PLA2G4B: variants seen among roughly 807,000 people sequenced by gnomAD.
PLA2G4B encodes the protein cytosolic phospholipase A2 beta.
A neutral mutation model predicts 95.8 loss-of-function variants in PLA2G4B; 122 were observed. That is an observed-to-expected ratio of 1.27 (90% CI 1.10 to 1.48). PLA2G4B has a LOEUF of 1.48. Ranked by LOEUF, PLA2G4B falls within the 40% of genes most tolerant of loss-of-function variation. The pLI is 0.00. For missense variants in PLA2G4B, 1,158 were observed against 996.2 expected (o/e 1.16, Z -2.19); for synonymous variants, 518 against 421.5 (o/e 1.23, Z -2.80).
intron 11 of PLA2G4B, 27 bp from the exon 12 acceptor site, chr15:41,844,444 T>C: frequency 6.2e-7 from 1 of 1,614,058 alleles, no homozygotes; most frequent in East Asian, 2.2e-5. Context: ...CTAGGGCCTC[T>C]ACAGGCCTGG....
chr15:41,843,790 C>T lies in PLA2G4B; in HGVS notation c.858C>T (p.Asp286=), dbSNP rs1672466. 1,285,183 of 1,613,844 alleles carry T rather than the reference C, an allele frequency of 0.8. 514,290 individuals are homozygous for T. The highest frequency in any genetic ancestry group is 0.88 in the East Asian group (39,511 of 44,854). ...AAALRQALQL[D]GDLQEDEIPV... ...CCTTGAGGCAGGCCCTGCAGCTGGA[C>T]GGAGACCTGCAGGAGGATGAGGTTT... The change falls in exon 11 of 20, where the codon GAC becomes GAT. Residue 286 remains aspartate, a synonymous_variant. Transcript: ENST00000458483.
chr15:41,844,380 G>C (rs945649615), intron 11 of PLA2G4B, 91 bp from the exon 12 acceptor site: 88 of 1,594,538 alleles, frequency 5.5e-5, no homozygotes, highest in Non-Finnish European at 7.3e-5. Flanking sequence ...GCTGTGGGCT[G>C]GGTGGCCACT....
intron 11 of PLA2G4B, 89 bp downstream of exon 11, chr15:41,843,900 A>C: frequency 6.5e-7 from 1 of 1,528,702 alleles, no homozygotes; most frequent in African/African-American, 1.4e-5. Context: ...TCCCCGATCT[A>C]GACCAGAGCT....
chr15:41,847,357 G>A lies in PLA2G4B; in HGVS notation c.1968G>A (p.Arg656=). 1 of 1,607,120 alleles carries A rather than the reference G, an allele frequency of 6.2e-7. No homozygotes were observed. The part of the protein sequence containing the change: ...GAFQQLQLLG[R]FCQEQGIPFP... ...TGCAGCAGTTGCAGCTCCTGGGCCG[G>A]TTCTGCCAGGAGCAGGGGATCCCGT... The change falls in exon 19 of 20, where the codon CGG becomes CGA. Residue 656 remains arginine (R), a synonymous_variant. Coordinates refer to ENST00000458483, the MANE Select transcript of PLA2G4B (RefSeq NM_001114633.2).
rs370039528 is a variant in PLA2G4B at position 41,840,900 on chromosome 15, C to T, written c.346C>T (p.Pro116Ser). 6.2e-7 allele frequency: 1 copy of T among 1,612,640 alleles called. No individual in the cohort carries two copies. ...CCGGCGCGAGAGCTTCTCACTGAGCCCTCAGGCAAGGCGGTGTTTCCACGG... is the reference window on the plus strand; with the variant it reads ...CCGGCGCGAGAGCTTCTCACTGAGCTCTCAGGCAAGGCGGTGTTTCCACGG... ...EFRRESFSLS[P>S]QGEGRLEVEF... The change falls in exon 4 of 20, where the codon CCT becomes TCT. Residue 116 changes from proline (P) to serine (S), a missense_variant. Coordinates refer to ENST00000458483, the MANE Select transcript of PLA2G4B (RefSeq NM_001114633.2).
intron 6 of PLA2G4B, 111 bp downstream of exon 6, chr15:41,841,384 A>G (rs922959918): frequency 1.2e-6 from 2 of 1,608,558 alleles, no homozygotes; most frequent in Non-Finnish European, 1.7e-6. Context: ...CTGGGATTTC[A>G]GTTTGTTAAG....
Position 41,847,405 on chromosome 15 carries a change from C to G in PLA2G4B, c.2016C>G (p.Pro672=), listed in dbSNP as rs745941020. ...GIPFPPISPS[P]EEQLQPRECH... The stretch of plus-strand genomic sequence containing the variant: ...CGTTCCCACCCATCTCGCCCAGCCC[C>G]GAAGAGCAGCTCCAGCCTCGGGAGT... The change falls in exon 19 of 20, where the codon CCC becomes CCG. Residue 672 remains proline, a synonymous_variant. Transcript: ENST00000458483. The G allele has an allele frequency of 1.9e-6, 3 of 1,613,068 alleles. No homozygotes were observed. The highest frequency in any genetic ancestry group is 2.5e-6 in the Non-Finnish European group (3 of 1,179,886).
chr15:41,841,671 G>T, intron 7 of PLA2G4B, 100 bp downstream of exon 7: 13 of 1,577,976 alleles, frequency 8.2e-6, no homozygotes, highest in Non-Finnish European at 1.1e-5. Context: ...TTTCCCCTTA[G>T]GCCTTCTCGG....
rs1350729205 is a variant in PLA2G4B, at chr15:41,848,052, T to TAATC, written c.*194_*197dup. 6 of 732,908 alleles carry TAATC rather than the reference T, an allele frequency of 8.2e-6. No individual in the cohort carries two copies. The highest frequency in any genetic ancestry group is 2.9e-5 in the Admixed American group (1 of 34,218). 45.4% of individuals were successfully genotyped at this position (732,908 alleles called of 1,614,324 possible). On this transcript the variant is annotated 3_prime_UTR_variant, in exon 20 of 20. Transcript: ENST00000458483. The stretch of plus-strand genomic sequence containing the variant: ...GGTAAGGAGGCCAAGCCCATTTGTG[T>TAATC]AATCACCCAAAACCCCCCGGCCTGT...
Position 41,848,058 on chromosome 15 carries a change from C to T in PLA2G4B, c.*198C>T, listed in dbSNP as rs1384545853. 2.9e-6 allele frequency: 2 copies of T among 680,630 alleles called. No homozygotes were observed. Among genetic ancestry groups the T allele is most frequent in the Non-Finnish European group, 4.9e-6 (2 of 410,976 alleles). 42.2% of individuals were successfully genotyped at this position (680,630 alleles called of 1,614,324 possible). On this transcript the variant is annotated 3_prime_UTR_variant, in exon 20 of 20. Transcript: ENST00000458483. ...GAGGCCAAGCCCATTTGTGTAATCACCCAAAACCCCCCGGCCTGTGCCTGT... is the reference window on the plus strand; with the variant it reads ...GAGGCCAAGCCCATTTGTGTAATCATCCAAAACCCCCCGGCCTGTGCCTGT...
rs369953324 is a variant in PLA2G4B, at chr15:41,841,520, C to T, written c.439C>T (p.Arg147Trp). 139 of 1,613,996 alleles carry T rather than the reference C, an allele frequency of 8.6e-5. No homozygotes were observed. The highest frequency in any genetic ancestry group is 3.7e-4 in the African/African-American group (28 of 74,984). ...WLVSNGVLVA[R>W]ELSCLHVQLE... Reference sequence around the variant, plus strand: ...AGGGGCTGTCTTCATGACTCAGGCCCGGGAGCTCTCCTGCTTGCACGTTCA... The same window carrying T: ...AGGGGCTGTCTTCATGACTCAGGCCTGGGAGCTCTCCTGCTTGCACGTTCA... The change falls in exon 7 of 20, where the codon CGG (arginine) becomes TGG (tryptophan). Residue 147 changes from arginine to tryptophan, a missense_variant. By Grantham distance (101) the Arg-to-Trp change is moderately radical. Transcript: ENST00000458483.
Position 41,839,945 on chromosome 15 carries a change from G to C in PLA2G4B, c.10-213G>C, listed in dbSNP as rs1189944363. The C allele has an allele frequency of 5.1e-6, 3 of 591,898 alleles. No individual in the cohort carries two copies. In the African/African-American group the frequency reaches 5.6e-5, roughly 11 times the overall value. The allele number at this position is 591,898 out of a possible 1,614,324, so 36.7% of individuals were successfully genotyped here. On this transcript the variant is annotated intron_variant, in intron 1 of 19. Coordinates refer to ENST00000458483, the MANE Select transcript of PLA2G4B (RefSeq NM_001114633.2). The stretch of plus-strand genomic sequence containing the variant: ...TGAGTTAATGTATGCAAAGCCCTTG[G>C]CCCAGAGCCGGCGCAGAGCATTGTG...
At chr15:41,842,926 A>G (rs1282536392) in intron 10 of PLA2G4B, 3 of 329,734 alleles carry the variant, frequency 9.1e-6, no homozygotes, top group African/African-American at 4.4e-5. Context: ...GGGAGAGAAG[A>G]GGGGAAATTG....
Position 41,846,658 on chromosome 15 carries a change from C to T in PLA2G4B, c.1781-11C>T, listed in dbSNP as rs545850819. 7 of 1,598,770 alleles carry T rather than the reference C, an allele frequency of 4.4e-6. No individual in the cohort carries two copies. The highest frequency in any genetic ancestry group is 2.2e-5 in the South Asian group (2 of 89,730). ...TATCTGTGACAATTGCTGCTCTCCCCAACCTTCCAGCTACCACTCTGGATG... is the reference window on the plus strand; with the variant it reads ...TATCTGTGACAATTGCTGCTCTCCCTAACCTTCCAGCTACCACTCTGGATG... On this transcript the variant is annotated splice_polypyrimidine_tract_variant and intron_variant, in intron 17 of 19. Coordinates refer to ENST00000458483, the MANE Select transcript of PLA2G4B (RefSeq NM_001114633.2).
chr15:41,847,541 T>TC lies in PLA2G4B; in HGVS notation c.2134+22dup. On this transcript the variant is annotated intron_variant, in intron 19 of 19. Coordinates refer to ENST00000458483, the MANE Select transcript of PLA2G4B (RefSeq NM_001114633.2). The stretch of plus-strand genomic sequence containing the variant: ...GGCCCCTGGTGAGCTGCTGTTCACC[T>TC]CCCCATCCTGCTGCCCCAGTCCCCC... The TC allele has an allele frequency of 6.2e-7, 1 of 1,602,794 alleles. No homozygotes were observed. Among genetic ancestry groups the TC allele is most frequent in the Non-Finnish European group, 8.5e-7 (1 of 1,172,280 alleles).
chr15:41,848,043 C>T lies in PLA2G4B; in HGVS notation c.*183C>T. On this transcript the variant is annotated 3_prime_UTR_variant, in exon 20 of 20. Coordinates refer to ENST00000458483, the MANE Select transcript of PLA2G4B (RefSeq NM_001114633.2). ...TTGCAGTGGGGTAAGGAGGCCAAGC[C>T]CATTTGTGTAATCACCCAAAACCCC... is the stretch of plus-strand genomic sequence containing the variant. 1 of 790,284 alleles carries T rather than the reference C, an allele frequency of 1.3e-6. No homozygotes were observed. Among genetic ancestry groups the T allele is most frequent in the Non-Finnish European group, 2.0e-6 (1 of 510,678 alleles). 49.0% of individuals were successfully genotyped at this position (790,284 alleles called of 1,614,324 possible).
chr15:41,841,908 TGCCCA>T lies in PLA2G4B; in HGVS notation c.584_588del (p.Pro195LeufsTer97). The T allele has an allele frequency of 6.2e-7, 1 of 1,613,250 alleles. No homozygotes were observed. The highest frequency in any genetic ancestry group is 1.1e-5 in the South Asian group (1 of 90,942). On this transcript the variant is annotated frameshift_variant, in exon 8 of 20. Transcript: ENST00000458483. LOFTEE classifies it high-confidence loss of function. ...GGGCACTGGCACCTTCCGCTTCCACTGCCCAGCCTGCTGGGAGCAGGAGCTGAGTA... is the reference window on the plus strand; with the variant it reads ...GGGCACTGGCACCTTCCGCTTCCACTGCCTGCTGGGAGCAGGAGCTGAGTA...
In PLA2G4B at chr15:41,847,840, C is replaced by G. The variant is rs761917020; in HGVS notation, c.2326C>G (p.Arg776Gly). 7 of 1,612,696 alleles carry G rather than the reference C, an allele frequency of 4.3e-6. No homozygotes were observed. The highest frequency in any genetic ancestry group is 4.0e-5 in the African/African-American group (3 of 74,924). Residue 776 changes from arginine to glycine, a missense_variant, in exon 20 of 20, where the codon CGG becomes GGG. Transcript: ENST00000458483. ...EALRQAVQRR[R>G]QRRPH ...TCTGCGCCAGGCAGTGCAGCGGAGG[C>G]GGCAGCGCAGGCCCCACTGATGGCC...
In PLA2G4B at chr15:41,847,387, A is replaced by G; in HGVS notation, c.1998A>G (p.Pro666=). 1 of 1,612,028 alleles carries G rather than the reference A, an allele frequency of 6.2e-7. No homozygotes were observed. The highest frequency in any genetic ancestry group is 8.5e-7 in the Non-Finnish European group (1 of 1,179,522). ...RFCQEQGIPF[P]PISPSPEEQL... is the part of the protein sequence containing the mutation. ...GCCAGGAGCAGGGGATCCCGTTCCC[A>G]CCCATCTCGCCCAGCCCCGAAGAGC... The change falls in exon 19 of 20, where the codon CCA becomes CCG. Residue 666 remains proline, a synonymous_variant. Transcript: ENST00000458483.
Sources: allele counts gnomAD v4.1 joint callset, GRCh38; gene constraint gnomAD v4.1.1; transcripts MANE v1.5; gene names NCBI Gene and HGNC (gene_info 2026-07-23, HGNC 2026-07-21).